The following P2RX3 variants were observed in gnomAD, a reference collection of about 807,000 sequenced individuals.
The protein encoded by P2RX3 is P2X purinoceptor 3.
In P2RX3, 41 loss-of-function variants were observed where a neutral mutation model predicts 51.5. The observed-to-expected ratio is 0.80, with a 90% confidence interval of 0.62 to 1.03. The LOEUF is 1.03. Among genes scored for constraint, P2RX3 ranks in the 50% least tolerant of loss-of-function variants. P2RX3 has a pLI of 0.00. For missense variants in P2RX3, 459 were observed against 522.1 expected (o/e 0.88, Z 1.18); for synonymous variants, 185 against 191.6 (o/e 0.97, Z 0.29).
intron 4 of P2RX3, 63 bp from the exon 5 acceptor site, chr11:57,348,107 A>G: frequency 7.2e-7 from 1 of 1,391,276 alleles, no homozygotes. Context: ...GGGAAGAGGG[A>G]GGAAGGAAAG....
intron 8 of P2RX3, among the ~76,000 whole-genome samples, chr11:57,364,880 C>A (rs1856774540): frequency 6.6e-6 from 1 of 152,200 alleles, no homozygotes; most frequent in Non-Finnish European, 1.5e-5. Context: ...CCAAGGTCCA[C>A]TCTCATTCTT....
At chr11:57,343,151 G>T (rs1014977984) in intron 1 of P2RX3, among the ~76,000 whole-genome samples, 6 of 152,200 alleles carry the variant, frequency 3.9e-5, no homozygotes, top group African/African-American at 1.4e-4. Context: ...ACATCCCGAG[G>T]CCCTGTGAGG....
At chr11:57,367,925 A>G in intron 8 of P2RX3, 84 bp from the exon 9 acceptor site, 1 of 1,087,872 alleles carries the variant, frequency 9.2e-7, no homozygotes, top group Non-Finnish European at 1.4e-6. Flanking sequence ...GTGAGCCAAG[A>G]CACAGGGCTC....
At chr11:57,365,445 C>A (rs1020848814) in intron 8 of P2RX3, among the ~76,000 whole-genome samples, 13 of 152,340 alleles carry the variant, frequency 8.5e-5, no homozygotes, top group Admixed American at 7.8e-4. Context: ...CTCTGATCTC[C>A]TCTCAGCGCC....
Position 57,348,152 on chromosome 11 carries a change from C to G in P2RX3, c.392-18C>G, listed in dbSNP as rs370625828. ...CAAAGGGCAGGCAGCCACCCAGCAG[C>G]TGTGGCTCTCACTTTAGGGATCCTC... On this transcript the variant is annotated intron_variant, in intron 4 of 11. Coordinates refer to ENST00000263314, the MANE Select transcript of P2RX3 (RefSeq NM_002559.5). 11 of 1,555,984 alleles carry G rather than the reference C, an allele frequency of 7.1e-6. No individual in the cohort carries two copies. The highest frequency in any genetic ancestry group is 9.6e-6 in the Non-Finnish European group (11 of 1,145,200).
chr11:57,339,066 C>T (rs1856290836), intron 1 of P2RX3, among the ~76,000 whole-genome samples: 1 of 152,164 alleles, frequency 6.6e-6, no homozygotes, highest in African/African-American at 2.4e-5. Flanking sequence ...TCTTCGGGGT[C>T]TCAAAAAGAC....
chr11:57,338,811 A>G, intron 1 of P2RX3, 142 bp downstream of exon 1: 1 of 604,772 alleles, frequency 1.7e-6, no homozygotes, highest in South Asian at 2.5e-5. Flanking sequence ...GCCGAGTCTT[A>G]AAGACTGGCC....
At position 57,338,488 on chromosome 11, in the gene P2RX3, A is replaced by G. The variant is rs567968563; in HGVS notation, c.-63A>G. The G allele has an allele frequency of 1.7e-6, 2 of 1,167,522 alleles. No individual in the cohort carries two copies. The highest frequency in any genetic ancestry group is 2.7e-4 in the Middle Eastern group (1 of 3,712). 72.3% of individuals were successfully genotyped at this position (1,167,522 alleles called of 1,614,324 possible). On this transcript the variant is annotated 5_prime_UTR_variant, in exon 1 of 12. Transcript: ENST00000263314. ...TGATCTCGTCTCCCTGTCCTGTAGG[A>G]CCTCCCTCTCCTGAGGCCACCACTG...
At chr11:57,357,092 G>A (rs1856642457) in intron 8 of P2RX3, among the ~76,000 whole-genome samples, 1 of 152,124 alleles carries the variant, frequency 6.6e-6, no homozygotes, top group Non-Finnish European at 1.5e-5. Context: ...GCCAAGGCGG[G>A]CAGATCACGA....
At chr11:57,357,404 A>G (rs988605643) in intron 8 of P2RX3, among the ~76,000 whole-genome samples, 10 of 152,190 alleles carry the variant, frequency 6.6e-5, no homozygotes, top group Non-Finnish European at 1.5e-5. Flanking sequence ...GTCCAAGGCC[A>G]CACAGCTCCT....
intron 11 of P2RX3, 94 bp from the exon 12 acceptor site, chr11:57,369,790 C>A: frequency 3.4e-6 from 3 of 877,122 alleles, no homozygotes; most frequent in South Asian, 3.0e-5. Context: ...ATGACTAGGT[C>A]ATGGGCGCCC....
intron 8 of P2RX3, among the ~76,000 whole-genome samples, chr11:57,356,281 C>CA (rs1247605862): frequency 1.3e-5 from 2 of 151,238 alleles, no homozygotes; most frequent in South Asian, 2.1e-4. Flanking sequence ...ACATGGCCTG[C>CA]AAAAAAGGGG....
At chr11:57,361,980 A>C (rs779341817) in intron 8 of P2RX3, among the ~76,000 whole-genome samples, 1 of 152,146 alleles carries the variant, frequency 6.6e-6, no homozygotes, top group Non-Finnish European at 1.5e-5. Flanking sequence ...TGTGTGGTTA[A>C]TTAGTATTTC....
chr11:57,349,996 G>T lies in P2RX3; in HGVS notation c.705+98G>T. On this transcript the variant is annotated intron_variant, in intron 7 of 11. Coordinates refer to ENST00000263314, the MANE Select transcript of P2RX3 (RefSeq NM_002559.5). ...TGGCCGGCACTGGCCAGGAGCCGCC[G>T]CGAGACAGCGCCACCTGGTGGAAGC... 8 of 1,516,230 alleles carry T rather than the reference G, an allele frequency of 5.3e-6. No homozygotes were observed. In the South Asian group the frequency reaches 7.3e-5, roughly 14 times the overall value. 93.9% of individuals were successfully genotyped at this position (1,516,230 alleles called of 1,614,324 possible).
chr11:57,363,004 A>G (rs1284691000), intron 8 of P2RX3, among the ~76,000 whole-genome samples: 5 of 152,204 alleles, frequency 3.3e-5, no homozygotes, highest in Non-Finnish European at 7.3e-5. Context: ...AGCACGGACT[A>G]TATATGGACA....
chr11:57,350,934 G>A, intron 8 of P2RX3, 36 bp downstream of exon 8: 1 of 1,613,806 alleles, frequency 6.2e-7, no homozygotes, highest in Non-Finnish European at 8.5e-7. Flanking sequence ...AGGAGAAGAA[G>A]GTGCGGGCTG....
intron 8 of P2RX3, among the ~76,000 whole-genome samples, chr11:57,356,969 G>A (rs919109007): frequency 4.6e-5 from 7 of 152,136 alleles, no homozygotes; most frequent in Non-Finnish European, 7.4e-5. Flanking sequence ...ACTTACCAGT[G>A]AGCCAGAGAA....
chr11:57,353,740 C>G (rs1189633543), intron 8 of P2RX3, among the ~76,000 whole-genome samples: 1 of 151,896 alleles, frequency 6.6e-6, no homozygotes, highest in Non-Finnish European at 1.5e-5. Context: ...AGCCAAGATT[C>G]GGCCGTGTTT....
chr11:57,356,078 G>A (rs1405906277), intron 8 of P2RX3, among the ~76,000 whole-genome samples: 1 of 152,196 alleles, frequency 6.6e-6, no homozygotes, highest in Non-Finnish European at 1.5e-5. Flanking sequence ...AAGAGCCCTA[G>A]AGTTAAGTTT....
Sources: gnomAD v4.1 joint callset for allele counts (sites outside exome capture counted in the v4.1 genomes callset) on GRCh38, gnomAD v4.1.1 for gene constraint, MANE v1.5 for transcripts, NCBI Gene and HGNC (gene_info 2026-07-23, HGNC 2026-07-21) for gene names.